The following NKAIN2 variants were observed in gnomAD, a reference collection of about 807,000 sequenced individuals.
The protein encoded by NKAIN2 is sodium/potassium transporting ATPase interacting 2.
A neutral mutation model predicts 32.6 loss-of-function variants in NKAIN2; 14 were observed. The observed-to-expected ratio is 0.43, with a 90% CI of 0.28 to 0.67. NKAIN2 has a LOEUF of 0.67. Ranked by LOEUF, NKAIN2 falls within the 30% of genes least tolerant of loss-of-function variation. The pLI, the probability that NKAIN2 is intolerant of heterozygous loss-of-function variation, is 0.17. For missense variants in NKAIN2, 198 were observed against 258.3 expected, an observed-to-expected ratio of 0.77 and a Z score of 1.60; for synonymous variants, 80 against 87.2, an observed-to-expected ratio of 0.92 and a Z score of 0.46.
At chr6:124,688,399 C>G (rs947519415) in intron 4 of NKAIN2, among the ~76,000 whole-genome samples, 2 of 152,038 alleles carry the variant, frequency 1.3e-5, no homozygotes, top group African/African-American at 4.8e-5. Flanking sequence ...CCTGCCCCTC[C>G]ACATGCACAG....
intron 1 of NKAIN2, among the ~76,000 whole-genome samples, chr6:123,812,274 A>G (rs1401796498): frequency 6.6e-6 from 1 of 152,220 alleles, no homozygotes; most frequent in Non-Finnish European, 1.5e-5. Flanking sequence ...GATGCAGTCT[A>G]CAAGTTAATA....
chr6:124,490,257 G>C (rs1462256313), intron 3 of NKAIN2: 11 of 367,512 alleles, frequency 3.0e-5, no homozygotes, highest in South Asian at 1.1e-4. Flanking sequence ...TTCCCTGTAG[G>C]GTATGTTATC....
intron 1 of NKAIN2, among the ~76,000 whole-genome samples, chr6:124,182,636 G>A (rs894807906): frequency 1.3e-5 from 2 of 152,092 alleles, no homozygotes; most frequent in Non-Finnish European, 2.9e-5. Context: ...TTGAAAAGAA[G>A]CCAATAAACT....
intron 4 of NKAIN2, among the ~76,000 whole-genome samples, chr6:124,790,341 C>CT (rs1465421296): frequency 1.7e-4 from 26 of 151,882 alleles, no homozygotes; most frequent in Non-Finnish European, 3.4e-4. Context: ...GTGGCGGTTC[C>CT]TTTTTTTCCC....
At chr6:124,470,192 G>A (rs1417480011) in intron 3 of NKAIN2, among the ~76,000 whole-genome samples, 2 of 152,136 alleles carry the variant, frequency 1.3e-5, no homozygotes, top group African/African-American at 2.4e-5. Context: ...ACCAAGACCA[G>A]GCCACCGTGG....
chr6:124,713,501 A>G (rs1470472619), intron 4 of NKAIN2, among the ~76,000 whole-genome samples: 1 of 152,230 alleles, frequency 6.6e-6, no homozygotes, highest in Non-Finnish European at 1.5e-5. Context: ...TTAAAGTTGC[A>G]TTAAAGGATC....
intron 4 of NKAIN2, among the ~76,000 whole-genome samples, chr6:124,753,830 T>C (rs774539755): frequency 2.0e-5 from 3 of 152,012 alleles, no homozygotes; most frequent in Non-Finnish European, 2.9e-5. Context: ...ATTCATGATG[T>C]CTATCAGGAA....
At chr6:123,819,877 T>A (rs1438242422) in intron 1 of NKAIN2, among the ~76,000 whole-genome samples, 1 of 152,222 alleles carries the variant, frequency 6.6e-6, no homozygotes, top group Non-Finnish European at 1.5e-5. Context: ...TCACAAGTTA[T>A]GCTTGATTTT....
At chr6:124,817,811 G>C (rs1195083557) in intron 5 of NKAIN2, among the ~76,000 whole-genome samples, 1 of 152,070 alleles carries the variant, frequency 6.6e-6, no homozygotes, top group Non-Finnish European at 1.5e-5. Context: ...TTGAATATTT[G>C]GTTAGACTGT....
chr6:124,684,024 C>A (rs1001088547), intron 4 of NKAIN2, among the ~76,000 whole-genome samples: 2 of 152,100 alleles, frequency 1.3e-5, no homozygotes, highest in African/African-American at 4.8e-5. Flanking sequence ...TAGGGGTGAG[C>A]ATTTACATCA....
intron 3 of NKAIN2, among the ~76,000 whole-genome samples, chr6:124,655,412 T>C (rs1469950381): frequency 9.2e-5 from 14 of 152,158 alleles, no homozygotes; most frequent in Non-Finnish European, 2.1e-4. Flanking sequence ...GACTCTTTTT[T>C]TTGGCAGTAG....
At chr6:124,785,214 A>G (rs575970522) in intron 4 of NKAIN2, among the ~76,000 whole-genome samples, 3 of 152,066 alleles carry the variant, frequency 2.0e-5, no homozygotes, top group Non-Finnish European at 4.4e-5. Context: ...TGTCACCTCC[A>G]CATTTTTCAG....
intron 3 of NKAIN2, among the ~76,000 whole-genome samples, chr6:124,490,165 G>A (rs1168549709): frequency 1.3e-5 from 2 of 151,806 alleles, no homozygotes; most frequent in Non-Finnish European, 2.9e-5. Context: ...CATAGAGTTA[G>A]TTGTAAAGAG....
intron 4 of NKAIN2, among the ~76,000 whole-genome samples, chr6:124,731,411 G>T (rs571450491): frequency 6.6e-6 from 1 of 151,146 alleles, no homozygotes; most frequent in African/African-American, 2.4e-5. Flanking sequence ...CCTTTGTAGG[G>T]ACATGGATGA....
chr6:124,016,701 G>C (rs1288631679), intron 1 of NKAIN2, among the ~76,000 whole-genome samples: 1 of 152,020 alleles, frequency 6.6e-6, no homozygotes, highest in East Asian at 1.9e-4. Context: ...TTTGTTCCAA[G>C]CATAGTTTTA....
At chr6:124,724,610 A>T (rs1333386243) in intron 4 of NKAIN2, among the ~76,000 whole-genome samples, 1 of 152,230 alleles carries the variant, frequency 6.6e-6, no homozygotes, top group Non-Finnish European at 1.5e-5. Flanking sequence ...CCTAGAATAA[A>T]GGATAGAATG....
At chr6:124,366,804 T>C (rs1477265156) in intron 3 of NKAIN2, among the ~76,000 whole-genome samples, 4 of 151,990 alleles carry the variant, frequency 2.6e-5, no homozygotes, top group Admixed American at 2.6e-4. Flanking sequence ...GGTTCACACC[T>C]GTATTCTTAG....
intron 3 of NKAIN2, among the ~76,000 whole-genome samples, chr6:124,401,768 T>G (rs918660340): frequency 3.3e-5 from 5 of 152,188 alleles, no homozygotes; most frequent in Non-Finnish European, 7.4e-5. Flanking sequence ...TGGGTTTTTG[T>G]CATTTTTGTA....
chr6:124,723,742 A>G (rs1776139658), intron 4 of NKAIN2, among the ~76,000 whole-genome samples: 1 of 152,248 alleles, frequency 6.6e-6, no homozygotes, highest in African/African-American at 2.4e-5. Context: ...TGAATTAAGA[A>G]GCTTTAGCTT....
Sources: allele counts gnomAD v4.1 joint callset (sites outside exome capture counted in the v4.1 genomes callset), GRCh38; gene constraint gnomAD v4.1.1; transcripts MANE v1.5; gene names NCBI Gene and HGNC (gene_info 2026-07-23, HGNC 2026-07-21).